The following WDR25 variants were observed in gnomAD, a reference collection of about 807,000 sequenced individuals.
WDR25 encodes the protein WD repeat domain 25.
WDR25 carries 35 observed loss-of-function variants against 47.7 expected under a neutral mutation model. The ratio of observed to expected loss-of-function variants is 0.73; its 90% CI spans 0.56 to 0.97. The LOEUF (loss-of-function observed/expected upper bound fraction) is 0.97. Ranked by LOEUF, WDR25 falls within the 50% of genes least tolerant of loss-of-function variation. The probability of loss-of-function intolerance (pLI) is 0.00; values close to 1 mark genes in which losing one functional copy is unlikely to be tolerated. For missense variants in WDR25, 634 were observed against 704.7 expected (o/e 0.90, Z 1.14); for synonymous variants, 248 against 278.9 (o/e 0.89, Z 1.10).
chr14:100,387,480 T>A (rs1311730060), intron 2 of WDR25, among the ~76,000 whole-genome samples: 5 of 152,232 alleles, frequency 3.3e-5, no homozygotes, highest in Non-Finnish European at 7.3e-5. Context: ...GCTGGTTCCC[T>A]GTCCCCAAAG....
At chr14:100,412,616 G>A (rs77850172) in intron 2 of WDR25, among the ~76,000 whole-genome samples, 38 of 152,140 alleles carry the variant, frequency 2.5e-4, no homozygotes, top group African/African-American at 8.7e-4. Context: ...ATGTGTTTAG[G>A]TATTTGTCTC....
chr14:100,402,779 T>C (rs1178880870), intron 2 of WDR25, among the ~76,000 whole-genome samples: 1 of 152,154 alleles, frequency 6.6e-6, no homozygotes, highest in African/African-American at 2.4e-5. Context: ...ATCGGTTTTC[T>C]CTCCCTGTGA....
At chr14:100,469,379 G>C (rs916463810) in intron 3 of WDR25, among the ~76,000 whole-genome samples, 22 of 152,314 alleles carry the variant, frequency 1.4e-4, no homozygotes, top group African/African-American at 4.8e-4. Context: ...CGTGCTATAG[G>C]CTTTGCACAC....
chr14:100,434,794 C>T (rs1269118177), intron 2 of WDR25, among the ~76,000 whole-genome samples: 4 of 152,176 alleles, frequency 2.6e-5, no homozygotes, highest in African/African-American at 9.7e-5. Flanking sequence ...TCTCATTAGT[C>T]TGTGTTTTTT....
At chr14:100,409,429 C>T (rs73361450) in intron 2 of WDR25, among the ~76,000 whole-genome samples, 3,674 of 150,670 alleles carry the variant, frequency 0.024, 163 homozygotes, top group African/African-American at 0.086. Flanking sequence ...CCCCCCCCCA[C>T]CCATCCCAGG....
At chr14:100,403,890 G>C (rs1897454512) in intron 2 of WDR25, among the ~76,000 whole-genome samples, 1 of 152,168 alleles carries the variant, frequency 6.6e-6, no homozygotes, top group African/African-American at 2.4e-5. Flanking sequence ...GCAGCTTCCG[G>C]GGAATAAGAA....
intron 2 of WDR25, among the ~76,000 whole-genome samples, chr14:100,411,275 C>T (rs1897699993): frequency 6.6e-6 from 1 of 152,148 alleles, no homozygotes; most frequent in Non-Finnish European, 1.5e-5. Flanking sequence ...GCCTCTGTTT[C>T]CCCATGTGTA....
intron 2 of WDR25, among the ~76,000 whole-genome samples, chr14:100,385,471 A>G (rs1007224569): frequency 6.6e-6 from 1 of 152,226 alleles, no homozygotes; most frequent in Admixed American, 6.5e-5. Context: ...TCTAAAGAAC[A>G]TGGAGTGCCA....
intron 2 of WDR25, among the ~76,000 whole-genome samples, chr14:100,427,209 T>C (rs1898194157): frequency 6.6e-6 from 1 of 152,082 alleles, no homozygotes; most frequent in African/African-American, 2.4e-5. Context: ...TCCTTCCTCC[T>C]ACTCTCTTCT....
At chr14:100,460,112 A>AAT (rs1263211187) in intron 2 of WDR25, among the ~76,000 whole-genome samples, 9 of 129,670 alleles carry the variant, frequency 6.9e-5, no homozygotes, top group East Asian at 2.1e-4. Context: ...TAGATACAAA[A>AAT]TTTTTTTTTT....
chr14:100,501,041 C>A (rs1900903970), intron 4 of WDR25, among the ~76,000 whole-genome samples: 1 of 152,184 alleles, frequency 6.6e-6, no homozygotes, highest in South Asian at 2.1e-4. Flanking sequence ...AATTGAGCAG[C>A]TACTGTGTGC....
intron 3 of WDR25, among the ~76,000 whole-genome samples, chr14:100,470,874 G>T (rs554970334): frequency 6.6e-6 from 1 of 152,246 alleles, no homozygotes; most frequent in African/African-American, 2.4e-5. Flanking sequence ...ACCATCCAGT[G>T]GGGGAGGTGA....
At chr14:100,421,321 C>T in intron 2 of WDR25, among the ~76,000 whole-genome samples, 1 of 152,128 alleles carries the variant, frequency 6.6e-6, no homozygotes, top group Admixed American at 6.5e-5. Context: ...TTATTGGTCC[C>T]CCAGTCAGTC....
rs541287360 is a variant in WDR25 at position 100,467,208 on chromosome 14, G to A, written c.823-813G>A. On this transcript the variant is annotated intron_variant, in intron 2 of 6. Coordinates refer to ENST00000402312, the MANE Select transcript of WDR25 (RefSeq NM_001161476.3). ...ATACGAGTGTAGCACATTCCTTTTT[G>A]GATCTCTGTCTTACAGCAGAACCCA... 3.3e-5 allele frequency among the ~76,000 whole-genome samples: 5 copies of A among 152,288 alleles called. No individual in the cohort carries two copies. The East Asian group carries it at 9.7e-4, about 30-fold the overall frequency.
rs1165628618 is a variant in WDR25 at position 100,484,017 on chromosome 14, A to G, written c.994A>G (p.Ser332Gly). The G allele has an allele frequency of 6.2e-7, 1 of 1,613,296 alleles. No homozygotes were observed. The highest frequency in any genetic ancestry group is 1.1e-5 in the South Asian group (1 of 90,758). ...AGGAACCCAGCTATTTAGTGGTCGAAGTGACTTTAGAATCACTACCTTGAA... is the reference window on the plus strand; with the variant it reads ...AGGAACCCAGCTATTTAGTGGTCGAGGTGACTTTAGAATCACTACCTTGAA... ...ETGTQLFSGRSDFRITTLKFH... is the reference protein window; with the variant it reads ...ETGTQLFSGRGDFRITTLKFH... Residue 332 changes from serine to glycine, a missense_variant, in exon 4 of 7, where the codon AGT becomes GGT. Coordinates refer to ENST00000402312, the MANE Select transcript of WDR25 (RefSeq NM_001161476.3).
chr14:100,410,589 T>A (rs539500759), intron 2 of WDR25, among the ~76,000 whole-genome samples: 3 of 151,998 alleles, frequency 2.0e-5, no homozygotes, highest in African/African-American at 4.8e-5. Context: ...GAGGAAGACA[T>A]GGGTCCGTCC....
At chr14:100,418,542 C>T (rs993615665) in intron 2 of WDR25, among the ~76,000 whole-genome samples, 1 of 150,848 alleles carries the variant, frequency 6.6e-6, no homozygotes, top group Non-Finnish European at 1.5e-5. Context: ...GAGGCTGAGG[C>T]AGGAGAATTG....
chr14:100,415,267 G>C (rs1897837491), intron 2 of WDR25, among the ~76,000 whole-genome samples: 1 of 152,188 alleles, frequency 6.6e-6, no homozygotes, highest in Non-Finnish European at 1.5e-5. Flanking sequence ...CAGCAAGACA[G>C]GCAAAGAAAT....
At chr14:100,401,340 C>A (rs1219307004) in intron 2 of WDR25, among the ~76,000 whole-genome samples, 1 of 152,196 alleles carries the variant, frequency 6.6e-6, no homozygotes, top group African/African-American at 2.4e-5. Context: ...CATTTCCTTG[C>A]TTATCACCTT....
Sources: gnomAD v4.1 joint callset for allele counts (sites outside exome capture counted in the v4.1 genomes callset) on GRCh38, gnomAD v4.1.1 for gene constraint, MANE v1.5 for transcripts, NCBI Gene and HGNC (gene_info 2026-07-23, HGNC 2026-07-21) for gene names.